Variants in GHR observed in about 807,000 individuals in gnomAD.
GHR encodes the protein GH receptor.
GHR carries 35 observed loss-of-function variants against 67.1 expected under a neutral mutation model. The observed-to-expected ratio is 0.52, with a 90% CI of 0.40 to 0.69. The LOEUF is 0.69. Among genes scored for constraint, GHR ranks in the 30% least tolerant of loss-of-function variants. The probability of loss-of-function intolerance (pLI) is 0.00; values close to 1 mark genes in which losing one functional copy is unlikely to be tolerated. For missense variants in GHR, 792 were observed against 764.6 expected (o/e 1.04, Z -0.42); for synonymous variants, 272 against 269.1 (o/e 1.01, Z -0.10).
At chr5:42,519,374 A>G (rs35260762) in intron 1 of GHR, among the ~76,000 whole-genome samples, 1 of 152,228 alleles carries the variant, frequency 6.6e-6, no homozygotes, top group Non-Finnish European at 1.5e-5. Context: ...TGCTACATTT[A>G]AAGTGTTTAG....
intron 1 of GHR, chr5:42,425,114 T>A: frequency 1.6e-6 from 1 of 608,730 alleles, no homozygotes; most frequent in Non-Finnish European, 2.1e-6. Flanking sequence ...TTAAAATAAC[T>A]AAACGCATTG....
At chr5:42,458,419 T>C (rs1744349819) in intron 1 of GHR, among the ~76,000 whole-genome samples, 1 of 152,082 alleles carries the variant, frequency 6.6e-6, no homozygotes, top group Non-Finnish European at 1.5e-5. Context: ...GGAAGCTAGC[T>C]AGCCATATGC....
At chr5:42,507,662 G>A (rs1251708297) in intron 1 of GHR, among the ~76,000 whole-genome samples, 2 of 152,292 alleles carry the variant, frequency 1.3e-5, no homozygotes, top group Admixed American at 6.5e-5. Flanking sequence ...TGAGTCACTC[G>A]GACCCTAGCT....
chr5:42,558,252 C>A (rs1159490305), intron 1 of GHR, among the ~76,000 whole-genome samples: 5 of 152,164 alleles, frequency 3.3e-5, no homozygotes, highest in Non-Finnish European at 7.3e-5. Flanking sequence ...AATTTTTTGT[C>A]CCCATCATTC....
chr5:42,603,353 T>C (rs1406938415), intron 2 of GHR, among the ~76,000 whole-genome samples: 1 of 152,156 alleles, frequency 6.6e-6, no homozygotes, highest in Admixed American at 6.5e-5. Context: ...TTCATCTTAC[T>C]TGGTGTCGTT....
chr5:42,703,194 T>C (rs1237715862), intron 6 of GHR, among the ~76,000 whole-genome samples: 1 of 152,080 alleles, frequency 6.6e-6, no homozygotes, highest in Non-Finnish European at 1.5e-5. Context: ...TTTCAGGTTT[T>C]ACATTTAAGT....
intron 6 of GHR, among the ~76,000 whole-genome samples, chr5:42,710,480 G>A (rs905858568): frequency 1.3e-5 from 2 of 151,980 alleles, no homozygotes; most frequent in African/African-American, 4.8e-5. Flanking sequence ...TGTGTTAAAA[G>A]TCTAACAGTC....
intron 1 of GHR, among the ~76,000 whole-genome samples, chr5:42,451,529 C>A (rs1268903604): frequency 6.6e-6 from 1 of 151,878 alleles, no homozygotes; most frequent in African/African-American, 2.4e-5. Flanking sequence ...ATCACAAGGT[C>A]AGGAGTTCTA....
intron 2 of GHR, among the ~76,000 whole-genome samples, chr5:42,583,790 C>A (rs1751319296): frequency 6.6e-6 from 1 of 151,754 alleles, no homozygotes; most frequent in South Asian, 2.1e-4. Context: ...CTTCTTCTTG[C>A]AAAAGAAGGT....
intron 3 of GHR, among the ~76,000 whole-genome samples, chr5:42,686,484 T>C (rs1757150797): frequency 6.6e-6 from 1 of 152,154 alleles, no homozygotes; most frequent in Non-Finnish European, 1.5e-5. Context: ...TCCACCCCGA[T>C]CAAGTCGGCT....
intron 1 of GHR, among the ~76,000 whole-genome samples, chr5:42,492,502 A>T (rs1280932916): frequency 6.6e-6 from 1 of 152,164 alleles, no homozygotes; most frequent in Non-Finnish European, 1.5e-5. Context: ...TTTCTGCTGT[A>T]GGCAGAAGTG....
intron 1 of GHR, among the ~76,000 whole-genome samples, chr5:42,440,839 T>C (rs970961035): frequency 1.1e-4 from 17 of 152,216 alleles, no homozygotes; most frequent in African/African-American, 4.1e-4. Context: ...TAGATAGTAC[T>C]GGTGAGGGAT....
intron 3 of GHR, among the ~76,000 whole-genome samples, chr5:42,648,797 G>T (rs1754876268): frequency 1.3e-5 from 2 of 152,030 alleles, no homozygotes; most frequent in Admixed American, 1.3e-4. Flanking sequence ...TCCTGTAGCT[G>T]ACTGACAGTT....
chr5:42,467,693 A>G (rs1744797265), intron 1 of GHR: 1 of 1,583,194 alleles, frequency 6.3e-7, no homozygotes, highest in African/African-American at 1.3e-5. Context: ...CTCTGAATGA[A>G]GGCCTTCCCA....
At chr5:42,563,409 G>A (rs1749726071) in intron 1 of GHR, among the ~76,000 whole-genome samples, 1 of 152,000 alleles carries the variant, frequency 6.6e-6, no homozygotes, top group Non-Finnish European at 1.5e-5. Flanking sequence ...GAGGTCAGGA[G>A]TTTGAGACAA....
chr5:42,448,498 C>T (rs989832832), intron 1 of GHR, among the ~76,000 whole-genome samples: 2 of 151,138 alleles, frequency 1.3e-5, no homozygotes, highest in African/African-American at 4.9e-5. Flanking sequence ...GATATCTTGC[C>T]GATTCTGGAT....
At chr5:42,621,467 C>T (rs1435566685) in intron 2 of GHR, among the ~76,000 whole-genome samples, 1 of 152,072 alleles carries the variant, frequency 6.6e-6, no homozygotes, top group Non-Finnish European at 1.5e-5. Context: ...AAAAACTCAC[C>T]AAGCAGAACA....
intron 2 of GHR, among the ~76,000 whole-genome samples, chr5:42,597,272 A>G (rs1181113822): frequency 6.6e-6 from 1 of 152,240 alleles, no homozygotes; most frequent in African/African-American, 2.4e-5. Context: ...AGTAACCTGA[A>G]GAACATAGAT....
chr5:42,486,115 G>A (rs1745868956), intron 1 of GHR, among the ~76,000 whole-genome samples: 1 of 152,210 alleles, frequency 6.6e-6, no homozygotes, highest in Middle Eastern at 3.2e-3. Flanking sequence ...CAAGCTCCCA[G>A]GTGATGGCAA....
Sources: gnomAD v4.1 joint callset for allele counts (sites outside exome capture counted in the v4.1 genomes callset) on GRCh38, gnomAD v4.1.1 for gene constraint, MANE v1.5 for transcripts, NCBI Gene and HGNC (gene_info 2026-07-23, HGNC 2026-07-21) for gene names.